The following MRTFA variants were observed in gnomAD, a reference collection of about 807,000 sequenced individuals.
MRTFA encodes myocardin-related transcription factor A.
Under a neutral mutation model 83.5 loss-of-function variants are expected in MRTFA, and 20 were observed. The observed-to-expected ratio is 0.24, with a 90% CI of 0.17 to 0.35. The LOEUF (loss-of-function observed/expected upper bound fraction) is 0.35. Ranked by LOEUF, MRTFA falls within the 10% of genes least tolerant of loss-of-function variation. MRTFA has a pLI of 1.00. For synonymous variants in MRTFA, 659 were observed against 541.2 expected, an observed-to-expected ratio of 1.22 and a Z score of -3.02; for missense variants, 1,200 against 1,224.7, an observed-to-expected ratio of 0.98 and a Z score of 0.30.
At chr22:40,444,629 G>A (rs1225254193) in intron 4 of MRTFA, among the ~76,000 whole-genome samples, 6 of 152,156 alleles carry the variant, frequency 3.9e-5, no homozygotes, top group South Asian at 2.1e-4. Context: ...TATTTCTCAC[G>A]TGCTATTAAG....
chr22:40,458,062 A>C (rs545558373), intron 4 of MRTFA, among the ~76,000 whole-genome samples: 1 of 152,282 alleles, frequency 6.6e-6, no homozygotes, highest in South Asian at 2.1e-4. Flanking sequence ...ACCAAATATG[A>C]CCAGTTTCTT....
chr22:40,634,016 T>C (rs1007110974), intron 1 of MRTFA, among the ~76,000 whole-genome samples: 1 of 152,208 alleles, frequency 6.6e-6, no homozygotes, highest in Admixed American at 6.5e-5. Flanking sequence ...CTAGCTTTTA[T>C]GTAGTGGGCA....
At chr22:40,448,086 C>A (rs1236660966) in intron 4 of MRTFA, among the ~76,000 whole-genome samples, 3 of 152,018 alleles carry the variant, frequency 2.0e-5, no homozygotes, top group Non-Finnish European at 4.4e-5. Context: ...ACGAGGTGGG[C>A]GGATCACGAG....
intron 7 of MRTFA, chr22:40,429,300 T>C: frequency 1.6e-6 from 1 of 606,286 alleles, no homozygotes. Flanking sequence ...ACACTGATCC[T>C]GACATCTATC....
intron 3 of MRTFA, 21 bp from the exon 4 acceptor site, chr22:40,463,307 A>G: frequency 6.2e-7 from 1 of 1,606,220 alleles, no homozygotes; most frequent in Non-Finnish European, 8.5e-7. Flanking sequence ...GCAGAGAGAG[A>G]GGAGAGATGA....
intron 1 of MRTFA, among the ~76,000 whole-genome samples, chr22:40,620,053 G>C (rs1308478039): frequency 2.6e-5 from 4 of 151,486 alleles, no homozygotes; most frequent in Non-Finnish European, 5.9e-5. Context: ...CGTCTCCCAG[G>C]TTCAAGCAAT....
chr22:40,570,277 TC>T (rs1278168955), intron 2 of MRTFA, among the ~76,000 whole-genome samples: 2 of 152,032 alleles, frequency 1.3e-5, no homozygotes, highest in African/African-American at 2.4e-5. Context: ...CTAGGAAATG[TC>T]CTTTTAAGAA....
At chr22:40,632,465 A>G (rs898161165) in intron 1 of MRTFA, among the ~76,000 whole-genome samples, 2 of 146,432 alleles carry the variant, frequency 1.4e-5, no homozygotes, top group African/African-American at 5.1e-5. Context: ...TTTTTTTTAG[A>G]TACTCTGCCG....
chr22:40,530,036 C>T (rs1373453220), intron 3 of MRTFA, among the ~76,000 whole-genome samples: 4 of 152,116 alleles, frequency 2.6e-5, no homozygotes, highest in Admixed American at 1.3e-4. Context: ...AGATTTATGT[C>T]GTGGGACCAA....
chr22:40,602,050 C>A (rs1009162681), intron 1 of MRTFA, among the ~76,000 whole-genome samples: 1 of 152,094 alleles, frequency 6.6e-6, no homozygotes, highest in African/African-American at 2.4e-5. Flanking sequence ...TCTCCTGTTC[C>A]CTGGAATGTC....
chr22:40,561,956 C>T (rs1164318829), intron 2 of MRTFA, among the ~76,000 whole-genome samples: 1 of 152,146 alleles, frequency 6.6e-6, no homozygotes, highest in East Asian at 1.9e-4. Context: ...TCCAACTACC[C>T]TGATGGACAG....
At chr22:40,539,480 G>C (rs1286468591) in intron 3 of MRTFA, among the ~76,000 whole-genome samples, 2 of 132,156 alleles carry the variant, frequency 1.5e-5, no homozygotes, top group Non-Finnish European at 3.4e-5. Flanking sequence ...GCTGGACTAC[G>C]GGCGCCCACC....
intron 3 of MRTFA, among the ~76,000 whole-genome samples, chr22:40,468,958 A>C (rs749991835): frequency 2.0e-5 from 3 of 152,232 alleles, no homozygotes; most frequent in Non-Finnish European, 4.4e-5. Context: ...AAAACATTAA[A>C]ATAGCCCCAG....
intron 1 of MRTFA, among the ~76,000 whole-genome samples, chr22:40,635,061 C>T (rs1191816952): frequency 1.3e-5 from 2 of 152,110 alleles, no homozygotes; most frequent in African/African-American, 2.4e-5. Flanking sequence ...TTTTAAAGAA[C>T]GCAGTAATGG....
intron 1 of MRTFA, among the ~76,000 whole-genome samples, chr22:40,616,374 T>C (rs538705825): frequency 3.3e-5 from 5 of 152,324 alleles, no homozygotes. Flanking sequence ...TGATTAGATA[T>C]GCATTTTAAA....
intron 3 of MRTFA, among the ~76,000 whole-genome samples, chr22:40,466,849 AATTT>A (rs1363417866): frequency 6.6e-6 from 1 of 152,146 alleles, no homozygotes; most frequent in Non-Finnish European, 1.5e-5. Context: ...CAAAAATTTA[AATTT>A]ATGAAAGCTA....
chr22:40,558,933 G>A lies in MRTFA; in HGVS notation c.-21-6566C>T, dbSNP rs114593605. On this transcript the variant is annotated intron_variant, in intron 2 of 14. Coordinates refer to ENST00000355630, the MANE Select transcript of MRTFA (RefSeq NM_020831.6). Reference sequence around the variant, plus strand: ...CCCGAGTAGCTGGGATTACAGGCACGCAACACTACATCTGATTTTTGTGTT... The same window carrying A: ...CCCGAGTAGCTGGGATTACAGGCACACAACACTACATCTGATTTTTGTGTT... Among the ~76,000 whole-genome samples the A allele has an allele frequency of 6.8e-3, 1,026 of 151,846 alleles. 11 individuals carry two copies. The highest frequency in any genetic ancestry group is 0.024 in the African/African-American group (989 of 41,398).
At chr22:40,411,955 A>AT (rs1294907390) in intron 14 of MRTFA, 48 bp from the exon 15 acceptor site, 25 of 1,408,112 alleles carry the variant, frequency 1.8e-5, no homozygotes, top group Non-Finnish European at 2.1e-5. Flanking sequence ...CCAAGCCTGT[A>AT]TATCTACATG....
chr22:40,486,235 T>A (rs544720648), intron 3 of MRTFA, among the ~76,000 whole-genome samples: 1 of 152,330 alleles, frequency 6.6e-6, no homozygotes, highest in South Asian at 2.1e-4. Flanking sequence ...GTTTTCTTTA[T>A]AACTAATCTT....
Sources: gnomAD v4.1 joint callset for allele counts (sites outside exome capture counted in the v4.1 genomes callset) on GRCh38, gnomAD v4.1.1 for gene constraint, MANE v1.5 for transcripts, NCBI Gene and HGNC (gene_info 2026-07-23, HGNC 2026-07-21) for gene names.